The following RTN4RL1 variants were observed in gnomAD, a reference collection of about 807,000 sequenced individuals.
RTN4RL1 encodes the protein reticulon 4 receptor like 1.
In RTN4RL1, 7 loss-of-function variants were observed where a neutral mutation model predicts 25.6. That is an observed-to-expected ratio of 0.27 (90% CI 0.16 to 0.51). The LOEUF is 0.51. Ranked by LOEUF, RTN4RL1 falls within the 20% of genes least tolerant of loss-of-function variation. RTN4RL1 has a pLI of 0.97. For synonymous variants in RTN4RL1, 297 were observed against 288.2 expected, an observed-to-expected ratio of 1.03 and a Z score of -0.31; for missense variants, 500 against 615.6, an observed-to-expected ratio of 0.81 and a Z score of 1.99.
At chr17:1,976,822 A>G (rs113973722) in intron 1 of RTN4RL1, among the ~76,000 whole-genome samples, 1 of 152,086 alleles carries the variant, frequency 6.6e-6, no homozygotes, top group African/African-American at 2.4e-5. Context: ...CTCGGCTGGG[A>G]CTCAACTTGT....
At chr17:1,999,031 T>C (rs1266092943) in intron 1 of RTN4RL1, among the ~76,000 whole-genome samples, 2 of 151,404 alleles carry the variant, frequency 1.3e-5, no homozygotes, top group Non-Finnish European at 2.9e-5. Context: ...CACAGCCCCT[T>C]ACAGCGATGT....
intron 1 of RTN4RL1, among the ~76,000 whole-genome samples, chr17:1,949,445 G>T (rs1915631213): frequency 6.6e-6 from 1 of 152,200 alleles, no homozygotes; most frequent in Admixed American, 6.5e-5. Context: ...AGGCCAAGGT[G>T]TCAACAATGC....
chr17:2,014,831 C>T (rs1383744562), intron 1 of RTN4RL1, among the ~76,000 whole-genome samples: 1 of 141,972 alleles, frequency 7.0e-6, no homozygotes, highest in East Asian at 2.2e-4. Context: ...GACTCCATCT[C>T]AAAGGAAAAA....
chr17:1,976,713 G>C (rs2066844060), intron 1 of RTN4RL1, among the ~76,000 whole-genome samples: 1 of 152,174 alleles, frequency 6.6e-6, no homozygotes. Flanking sequence ...CTCCTGGAAA[G>C]AGACCACCAC....
chr17:1,993,678 C>T (rs966875945), intron 1 of RTN4RL1, among the ~76,000 whole-genome samples: 3 of 152,090 alleles, frequency 2.0e-5, no homozygotes, highest in Non-Finnish European at 4.4e-5. Flanking sequence ...CATCTTTGAA[C>T]CCAAGTCCCC....
intron 1 of RTN4RL1, among the ~76,000 whole-genome samples, chr17:1,962,602 C>T (rs1452439107): frequency 6.6e-6 from 1 of 151,896 alleles, no homozygotes; most frequent in Non-Finnish European, 1.5e-5. Context: ...TGGTGGCTCA[C>T]ACCTGTAATC....
intron 1 of RTN4RL1, among the ~76,000 whole-genome samples, chr17:1,952,332 GT>G (rs56878786): frequency 1.7e-3 from 224 of 135,390 alleles, no homozygotes; most frequent in African/African-American, 4.2e-3. Flanking sequence ...AGGGAGGTTG[GT>G]TTTTTTTTTT....
rs184525757 is a variant in RTN4RL1, at chr17:1,939,180, G to A, written c.14-1372C>T. The stretch of plus-strand genomic sequence containing the variant: ...ATCCTGGCTAACACGGCGAAACCCC[G>A]TCTCTACTAAAAATACAAAAAAATT... On this transcript the variant is annotated intron_variant, in intron 1 of 1. Transcript: ENST00000331238. Among the ~76,000 whole-genome samples the A allele has an allele frequency of 9.2e-4, 139 of 151,558 alleles. 1 individual carries two copies. The highest frequency in any genetic ancestry group is 2.3e-3 in the African/African-American group (96 of 41,278).
At chr17:1,957,028 C>T (rs934872381) in intron 1 of RTN4RL1, among the ~76,000 whole-genome samples, 2 of 152,330 alleles carry the variant, frequency 1.3e-5, no homozygotes, top group African/African-American at 4.8e-5. Context: ...GCGTGAGCCA[C>T]CGCGCCCAGC....
intron 1 of RTN4RL1, chr17:2,001,570 C>T (rs2066957957): frequency 6.6e-6 from 1 of 152,214 alleles, no homozygotes; most frequent in Admixed American, 6.5e-5. Flanking sequence ...GTAAGGTAGG[C>T]ACTATTTATA....
intron 1 of RTN4RL1, among the ~76,000 whole-genome samples, chr17:2,023,386 G>A (rs1308905589): frequency 1.3e-5 from 2 of 152,178 alleles, no homozygotes; most frequent in African/African-American, 2.4e-5. Flanking sequence ...TCTCCAACTA[G>A]CCCCAGAAAC....
intron 1 of RTN4RL1, among the ~76,000 whole-genome samples, chr17:1,941,098 G>C (rs1339692070): frequency 6.6e-6 from 1 of 152,208 alleles, no homozygotes; most frequent in Admixed American, 6.5e-5. Context: ...AGGACTACCC[G>C]GTGTGCTGGG....
intron 1 of RTN4RL1, among the ~76,000 whole-genome samples, chr17:2,010,477 A>AAT (rs1044808957): frequency 6.6e-5 from 10 of 151,934 alleles, no homozygotes; most frequent in African/African-American, 1.5e-4. Context: ...ACTCTGTCTC[A>AAT]ATATATATAT....
chr17:1,950,715 C>T (rs541566335), intron 1 of RTN4RL1, among the ~76,000 whole-genome samples: 24 of 151,504 alleles, frequency 1.6e-4, no homozygotes, highest in Admixed American at 5.9e-4. Flanking sequence ...GGTGTGGTGG[C>T]GCGCACCTGT....
intron 1 of RTN4RL1, among the ~76,000 whole-genome samples, chr17:1,961,748 T>C (rs1597496565): frequency 8.3e-6 from 1 of 120,284 alleles, no homozygotes; most frequent in African/African-American, 3.3e-5. Flanking sequence ...GCCAACATGG[T>C]GAAACCCTGT....
intron 1 of RTN4RL1, among the ~76,000 whole-genome samples, chr17:2,024,266 T>C (rs1408979764): frequency 6.6e-6 from 1 of 152,072 alleles, no homozygotes; most frequent in Non-Finnish European, 1.5e-5. Flanking sequence ...ATAATGAAAG[T>C]TTGAGGAACT....
At chr17:1,961,773 C>CAAAAAAAAAAAAACAAAAAAAAAAA (rs2066762954) in intron 1 of RTN4RL1, among the ~76,000 whole-genome samples, 1 of 55,578 alleles carries the variant, frequency 1.8e-5, no homozygotes, top group Non-Finnish European at 3.3e-5. Flanking sequence ...ACTAAAAATA[C>CAAAAAAAAAAAAACAAAAAAAAAAA]AAAAAAAAAA....
chr17:2,007,317 T>C (rs1446218594), intron 1 of RTN4RL1, among the ~76,000 whole-genome samples: 2 of 134,902 alleles, frequency 1.5e-5, no homozygotes, highest in Non-Finnish European at 3.1e-5. Flanking sequence ...ACTGCAGACC[T>C]AGGCCATGTT....
intron 1 of RTN4RL1, among the ~76,000 whole-genome samples, chr17:2,014,064 T>C (rs2151327654): frequency 6.6e-6 from 1 of 152,352 alleles, no homozygotes; most frequent in African/African-American, 2.4e-5. Flanking sequence ...AACTACTTGC[T>C]TGAATTTTTG....
Sources: gnomAD v4.1 joint callset for allele counts (sites outside exome capture counted in the v4.1 genomes callset) on GRCh38, gnomAD v4.1.1 for gene constraint, MANE v1.5 for transcripts, NCBI Gene and HGNC (gene_info 2026-07-23, HGNC 2026-07-21) for gene names.